The following CSMD1 variants were observed in gnomAD, a reference collection of about 807,000 sequenced individuals.
CSMD1 encodes the protein CUB and sushi domain-containing protein 1.
Under a neutral mutation model 417.5 loss-of-function variants are expected in CSMD1, and 213 were observed. That is an observed-to-expected ratio of 0.51 (90% CI 0.46 to 0.57). The LOEUF (loss-of-function observed/expected upper bound fraction) is 0.57, where lower values mean the gene tolerates loss of function less well. Ranked by LOEUF, CSMD1 falls within the 20% of genes least tolerant of loss-of-function variation. The probability of loss-of-function intolerance (pLI) is 0.00; values close to 1 mark genes in which losing one functional copy is unlikely to be tolerated. For missense variants in CSMD1, 6,923 were observed against 4,529.7 expected (o/e 1.53, Z -15.17); for synonymous variants, 2,862 against 1,736.8 (o/e 1.65, Z -16.11).
chr8:3,952,825 A>G (rs936058141), intron 5 of CSMD1, among the ~76,000 whole-genome samples: 1 of 152,234 alleles, frequency 6.6e-6, no homozygotes, highest in Non-Finnish European at 1.5e-5. Flanking sequence ...CAAAGAAATA[A>G]AAGCAGAAAG....
chr8:3,276,573 T>C (rs1029580468), intron 26 of CSMD1, among the ~76,000 whole-genome samples: 1 of 152,148 alleles, frequency 6.6e-6, no homozygotes, highest in Non-Finnish European at 1.5e-5. Context: ...TACCTCCCAC[T>C]GGGTCCCTCC....
At chr8:4,356,117 C>T (rs962113893) in intron 3 of CSMD1, among the ~76,000 whole-genome samples, 1 of 152,168 alleles carries the variant, frequency 6.6e-6, no homozygotes, top group Non-Finnish European at 1.5e-5. Flanking sequence ...TCCTAGTCTT[C>T]CCCTCAAGTT....
intron 1 of CSMD1, among the ~76,000 whole-genome samples, chr8:4,665,816 T>C (rs998027486): frequency 6.6e-6 from 1 of 152,352 alleles, no homozygotes; most frequent in Admixed American, 6.5e-5. Context: ...TTGCTGTAAA[T>C]ATTTATGTAA....
intron 3 of CSMD1, among the ~76,000 whole-genome samples, chr8:4,138,044 A>ATT (rs55993904): frequency 3.0e-4 from 19 of 62,700 alleles, no homozygotes; most frequent in African/African-American, 6.9e-4. Flanking sequence ...TGCCCGGCTA[A>ATT]TTTTTTTTTT....
At position 3,805,487 on chromosome 8, in the gene CSMD1, C is replaced by G. The variant is rs147074109; in HGVS notation, c.819-51445G>C. The stretch of plus-strand genomic sequence containing the variant: ...CCTCTTTCTGACCTCCACTCTGATT[C>G]CTGACCATGTTCAGGGATGACTCTG... On this transcript the variant is annotated intron_variant, in intron 5 of 69. Transcript: ENST00000635120. 1.1e-3 allele frequency among the ~76,000 whole-genome samples: 166 copies of G among 152,276 alleles called. 1 individual carries two copies. Among genetic ancestry groups the G allele is most frequent in the Admixed American group, 2.8e-3 (43 of 15,286 alleles).
intron 5 of CSMD1, among the ~76,000 whole-genome samples, chr8:3,904,380 TG>T: frequency 6.6e-6 from 1 of 152,128 alleles, no homozygotes; most frequent in Non-Finnish European, 1.5e-5. Context: ...TTTATTGCAA[TG>T]GAAACCTCTT....
intron 3 of CSMD1, among the ~76,000 whole-genome samples, chr8:4,118,956 C>T (rs1802318725): frequency 6.6e-6 from 1 of 152,106 alleles, no homozygotes; most frequent in East Asian, 1.9e-4. Flanking sequence ...ATGGGTGAAG[C>T]TGGAAGCCAT....
rs1267050681 is a variant in CSMD1, at chr8:4,637,398, A to G, written c.246T>C (p.Asp82=). The change falls in exon 2 of 70, where the codon GAT becomes GAC. Residue 82 remains aspartate, a synonymous_variant. Coordinates refer to ENST00000635120, the MANE Select transcript of CSMD1 (RefSeq NM_033225.6). ...LSFHTFALEE[D]FDILSVYDGQ... is the part of the protein sequence containing the mutation. Reference sequence around the variant, plus strand: ...CATCGTAAACTGATAAAATATCAAAATCTTCTTCAAGAGCAAAGGTATGGA... The same window carrying G: ...CATCGTAAACTGATAAAATATCAAAGTCTTCTTCAAGAGCAAAGGTATGGA... 1 of 1,613,932 alleles carries G rather than the reference A, an allele frequency of 6.2e-7. No individual in the cohort carries two copies. The highest frequency in any genetic ancestry group is 8.5e-7 in the Non-Finnish European group (1 of 1,179,878).
chr8:4,715,390 A>T (rs529987548), intron 1 of CSMD1, among the ~76,000 whole-genome samples: 1 of 152,344 alleles, frequency 6.6e-6, no homozygotes, highest in Admixed American at 6.5e-5. Flanking sequence ...ATATAATATA[A>T]ACATGTAAAA....
In CSMD1 at chr8:4,453,216, GACACACACAC is replaced by G. The variant is rs71207090; in HGVS notation, c.303-33161_303-33152del. On this transcript the variant is annotated intron_variant, in intron 2 of 69. Coordinates refer to ENST00000635120, the MANE Select transcript of CSMD1 (RefSeq NM_033225.6). ...ACACACCCACACAGACACACACAGAGACACACACACACACACACACACACACACTGAACCT... is the reference window on the plus strand; with the variant it reads ...ACACACCCACACAGACACACACAGAGACACACACACACACACACTGAACCT... Among the ~76,000 whole-genome samples the G allele has an allele frequency of 6.7e-3, 998 of 149,206 alleles. 14 individuals are homozygous for G. Among genetic ancestry groups the G allele is most frequent in the African/African-American group, 0.023 (946 of 40,320 alleles).
chr8:4,924,979 T>A (rs1218807266), intron 1 of CSMD1, among the ~76,000 whole-genome samples: 2 of 152,052 alleles, frequency 1.3e-5, no homozygotes, highest in Non-Finnish European at 1.5e-5. Flanking sequence ...CACCATGGTG[T>A]CTACATTGCA....
intron 1 of CSMD1, among the ~76,000 whole-genome samples, chr8:4,927,269 G>A (rs1465352824): frequency 6.6e-6 from 1 of 151,856 alleles, no homozygotes; most frequent in African/African-American, 2.4e-5. Flanking sequence ...TCTTGGCTAG[G>A]CTGGTCTCGA....
At chr8:4,020,581 C>T (rs1347426856) in intron 4 of CSMD1, among the ~76,000 whole-genome samples, 1 of 152,122 alleles carries the variant, frequency 6.6e-6, no homozygotes, top group Admixed American at 6.5e-5. Flanking sequence ...CTGAGAAAGG[C>T]CTCCAATTCT....
At chr8:3,172,608 G>A (rs973733139) in intron 37 of CSMD1, among the ~76,000 whole-genome samples, 2 of 152,198 alleles carry the variant, frequency 1.3e-5, no homozygotes, top group South Asian at 2.1e-4. Flanking sequence ...TGAGTGGAGT[G>A]TGTATAATTG....
chr8:4,479,414 A>AAGTAG (rs57451362), intron 2 of CSMD1, among the ~76,000 whole-genome samples: 12,383 of 152,206 alleles, frequency 0.081, 735 homozygotes, highest in East Asian at 0.2. Context: ...TTCAGTAATT[A>AAGTAG]AGAAACCAGA....
At chr8:3,011,316 T>C (rs1341838720) in intron 52 of CSMD1, among the ~76,000 whole-genome samples, 3 of 152,128 alleles carry the variant, frequency 2.0e-5, no homozygotes, top group Non-Finnish European at 2.9e-5. Context: ...TAAGACGGTA[T>C]GGCAAAGATG....
At chr8:3,561,995 G>A (rs975735123) in intron 10 of CSMD1, among the ~76,000 whole-genome samples, 1 of 152,064 alleles carries the variant, frequency 6.6e-6, no homozygotes, top group African/African-American at 2.4e-5. Flanking sequence ...TGCTACGTCA[G>A]AAACTTTGTG....
intron 5 of CSMD1, among the ~76,000 whole-genome samples, chr8:3,881,155 C>T (rs923137584): frequency 6.6e-6 from 1 of 151,978 alleles, no homozygotes; most frequent in Non-Finnish European, 1.5e-5. Flanking sequence ...CATGTTTGTA[C>T]ATTAGAAGAC....
chr8:3,542,710 G>C (rs1356638775), intron 10 of CSMD1, among the ~76,000 whole-genome samples: 2 of 152,200 alleles, frequency 1.3e-5, no homozygotes, highest in East Asian at 3.9e-4. Context: ...ACTGTCAAAT[G>C]TGCTGGGGAT....
Sources: allele counts gnomAD v4.1 joint callset (sites outside exome capture counted in the v4.1 genomes callset), GRCh38; gene constraint gnomAD v4.1.1; transcripts MANE v1.5; gene names NCBI Gene and HGNC (gene_info 2026-07-23, HGNC 2026-07-21).